MYO5A: variants seen among roughly 807,000 people sequenced by gnomAD.
MYO5A encodes unconventional myosin-Va.
In MYO5A, 98 loss-of-function variants were observed where a neutral mutation model predicts 249.7. The ratio of observed to expected loss-of-function variants is 0.39; its 90% CI spans 0.33 to 0.46. The LOEUF is 0.46. Ranked by LOEUF, MYO5A falls within the 20% of genes least tolerant of loss-of-function variation. The pLI is 0.98. For missense variants in MYO5A, 1,696 were observed against 2,308.8 expected, an observed-to-expected ratio of 0.73 and a Z score of 5.44; for synonymous variants, 778 against 810.6, an observed-to-expected ratio of 0.96 and a Z score of 0.68.
intron 4 of MYO5A, among the ~76,000 whole-genome samples, chr15:52,418,620 T>G (rs945575445): frequency 4.8e-4 from 73 of 152,036 alleles, no homozygotes; most frequent in African/African-American, 1.7e-3. Context: ...CTCATATATA[T>G]GATCATTAGG....
In MYO5A at chr15:52,408,055, A is replaced by T. The variant is rs374677328; in HGVS notation, c.838+4T>A. 2.6e-6 allele frequency: 4 copies of T among 1,549,212 alleles called. No individual in the cohort carries two copies. The highest frequency in any genetic ancestry group is 2.7e-6 in the Non-Finnish European group (3 of 1,121,902). Reference sequence around the variant, plus strand: ...GAACAATAAATTTAATGCCATATTCATACCTAATCGTAGCATTTTAAATTC... The same window carrying T: ...GAACAATAAATTTAATGCCATATTCTTACCTAATCGTAGCATTTTAAATTC... On this transcript the variant is annotated splice_donor_region_variant and intron_variant, in intron 7 of 41. Transcript: ENST00000399233.
intron 1 of MYO5A, among the ~76,000 whole-genome samples, chr15:52,453,948 G>A (rs889513833): frequency 2.0e-5 from 3 of 152,056 alleles, no homozygotes; most frequent in Non-Finnish European, 4.4e-5. Flanking sequence ...GTATGAGAGG[G>A]AGAAGAGAGA....
At position 52,372,236 on chromosome 15, in the gene MYO5A, T is replaced by G; in HGVS notation, c.2705A>C (p.Lys902Thr). ...GATTTTGAGCTTCTTTAGCTCACGC[T>G]TGGCCATCATCCGCCTGAAGCAGCA... ...LQCCFRRMMA[K>T]RELKKLKIEA... The change falls in exon 21 of 42, where the codon AAG becomes ACG. Residue 902 changes from lysine (K) to threonine (T), a missense_variant. Physicochemically the swap from Lys to Thr is moderately conservative, Grantham distance 78 (BLOSUM62 -1). Around this residue, in one of 5 missense-constraint regions of MYO5A, gnomAD observed 412 missense variants for 453.3 expected, o/e 0.91. Coordinates refer to ENST00000399233, the MANE Select transcript of MYO5A (RefSeq NM_001382347.1). 1 of 1,613,300 alleles carries G rather than the reference T, an allele frequency of 6.2e-7. No homozygotes were observed. The highest frequency in any genetic ancestry group is 1.1e-5 in the South Asian group (1 of 91,058).
At chr15:52,382,659 G>A (rs1477209058) in intron 16 of MYO5A, among the ~76,000 whole-genome samples, 2 of 152,200 alleles carry the variant, frequency 1.3e-5, no homozygotes, top group Non-Finnish European at 1.5e-5. Flanking sequence ...CTTCATGCAT[G>A]GTATCTGAAG....
At position 52,312,403 on chromosome 15, in the gene MYO5A, C is replaced by T. The variant is rs1322478694; in HGVS notation, c.*1293G>A. The stretch of plus-strand genomic sequence containing the variant: ...TCCAAGGCAGTGTCTCTCTCTGTCA[C>T]CCAGGCTGGAGTGCAGTGGTTCGAT... On this transcript the variant is annotated 3_prime_UTR_variant, in exon 42 of 42. Transcript: ENST00000399233. 1 of 152,126 alleles carries T rather than the reference C, an allele frequency of 6.6e-6. No homozygotes were observed. Among genetic ancestry groups the T allele is most frequent in the Non-Finnish European group, 1.5e-5 (1 of 68,030 alleles). 9.4% of individuals were successfully genotyped at this position (152,126 alleles called of 1,614,324 possible).
intron 1 of MYO5A, among the ~76,000 whole-genome samples, chr15:52,507,289 C>A (rs1462841196): frequency 6.6e-6 from 1 of 152,084 alleles, no homozygotes; most frequent in East Asian, 1.9e-4. Flanking sequence ...CTTTAAAAGC[C>A]CTCGTTTAGA....
intron 37 of MYO5A, among the ~76,000 whole-genome samples, chr15:52,321,792 TAAA>T (rs71875115): frequency 0.073 from 6,810 of 92,844 alleles, 152 homozygotes; most frequent in Non-Finnish European, 0.095. Context: ...GGAACTTAAC[TAAA>T]AAAAAAAAAA....
chr15:52,472,188 T>G (rs1013377549), intron 1 of MYO5A, among the ~76,000 whole-genome samples: 32 of 151,972 alleles, frequency 2.1e-4, no homozygotes, highest in African/African-American at 7.7e-4. Flanking sequence ...ACACCATTCT[T>G]CTGCCTCAGC....
chr15:52,379,997 G>GT, intron 16 of MYO5A, 89 bp from the exon 17 acceptor site: 1 of 1,296,242 alleles, frequency 7.7e-7, no homozygotes, highest in Non-Finnish European at 1.1e-6. Context: ...AAATTCTTTC[G>GT]TAAGAGCAAA....
At chr15:52,413,243 G>C (rs150919803) in intron 5 of MYO5A, among the ~76,000 whole-genome samples, 1 of 151,336 alleles carries the variant, frequency 6.6e-6, no homozygotes, top group African/African-American at 2.4e-5. Flanking sequence ...CAGGAGGATT[G>C]TTTGAGCCCA....
intron 1 of MYO5A, among the ~76,000 whole-genome samples, chr15:52,522,532 CAGA>C (rs1295107112): frequency 6.6e-6 from 1 of 152,118 alleles, no homozygotes; most frequent in Non-Finnish European, 1.5e-5. Context: ...CTCCACAGAT[CAGA>C]AGTTTAGACT....
intron 1 of MYO5A, among the ~76,000 whole-genome samples, chr15:52,451,684 C>A (rs2076023532): frequency 6.6e-6 from 1 of 152,202 alleles, no homozygotes; most frequent in Admixed American, 6.5e-5. Context: ...CATGCTAGAT[C>A]AAGCCTCGAG....
intron 4 of MYO5A, among the ~76,000 whole-genome samples, chr15:52,424,247 AAT>A (rs2075348211): frequency 6.6e-6 from 1 of 152,254 alleles, no homozygotes; most frequent in African/African-American, 2.4e-5. Flanking sequence ...AAGCTGGCAT[AAT>A]ATGACATGCT....
intron 5 of MYO5A, among the ~76,000 whole-genome samples, chr15:52,413,942 T>C (rs556750769): frequency 2.0e-5 from 3 of 152,344 alleles, no homozygotes; most frequent in African/African-American, 7.2e-5. Flanking sequence ...GTATTATCTT[T>C]GACTGCTGTG....
At chr15:52,456,766 T>C (rs2076127450) in intron 1 of MYO5A, among the ~76,000 whole-genome samples, 1 of 152,146 alleles carries the variant, frequency 6.6e-6, no homozygotes, top group Non-Finnish European at 1.5e-5. Context: ...TGGATAACCA[T>C]ATGCAGAAGA....
Position 52,352,564 on chromosome 15 carries a change from G to A in MYO5A, c.3621+1041C>T, listed in dbSNP as rs2040007768. Among the ~76,000 whole-genome samples the A allele has an allele frequency of 2.6e-5, 4 of 152,096 alleles. No individual in the cohort carries two copies. The South Asian group carries it at 6.2e-4, about 24-fold the overall frequency. ...TGGGAGGCCGAGACAGTTGGATCACGAGGTCAGGAGATCGAGACCATCCTG... is the reference window on the plus strand; with the variant it reads ...TGGGAGGCCGAGACAGTTGGATCACAAGGTCAGGAGATCGAGACCATCCTG... On this transcript the variant is annotated intron_variant, in intron 27 of 41. Transcript: ENST00000399233.
At position 52,318,135 on chromosome 15, in the gene MYO5A, T is replaced by C. The variant is rs1331578706; in HGVS notation, c.5235-913A>G. Among the ~76,000 whole-genome samples the C allele has an allele frequency of 2.0e-5, 3 of 152,156 alleles. No individual in the cohort carries two copies. In the East Asian group the frequency reaches 5.8e-4, roughly 29 times the overall value. ...TAGGAGAAATCATTTTTCCCTCCTC[T>C]TGGTGAATATTCTAGCTGTTTTAAA... On this transcript the variant is annotated intron_variant, in intron 39 of 41. Transcript: ENST00000399233.
intron 14 of MYO5A, among the ~76,000 whole-genome samples, chr15:52,384,578 G>A (rs1297281718): frequency 2.6e-5 from 4 of 152,122 alleles, no homozygotes; most frequent in East Asian, 1.9e-4. Context: ...TACTGCACCC[G>A]GACTTGAAAA....
intron 31 of MYO5A, among the ~76,000 whole-genome samples, 196 bp downstream of exon 31, chr15:52,342,921 G>GAA: frequency 7.7e-6 from 1 of 130,188 alleles, no homozygotes; most frequent in East Asian, 2.2e-4. Context: ...GTCTAAAAAA[G>GAA]AAAAAAAAAA....
Sources: allele counts gnomAD v4.1 joint callset (sites outside exome capture counted in the v4.1 genomes callset), GRCh38; gene constraint gnomAD v4.1.1; regional missense constraint gnomAD v4.1.1; transcripts MANE v1.5; gene names NCBI Gene and HGNC (gene_info 2026-07-23, HGNC 2026-07-21).